Variants in STS observed in about 807,000 individuals in gnomAD.
STS encodes steryl-sulfatase.
In STS, 7 loss-of-function variants were observed where a neutral mutation model predicts 26.8. The observed-to-expected ratio is 0.26, with a 90% CI of 0.15 to 0.49. STS has a LOEUF of 0.49. Among genes scored for constraint, STS ranks in the 20% least tolerant of loss-of-function variants. STS has a pLI of 0.98. For missense variants in STS, 434 were observed against 465.6 expected (o/e 0.93, Z 0.63); for synonymous variants, 199 against 189.4 (o/e 1.05, Z -0.42).
intron 8 of STS, among the ~76,000 whole-genome samples, chrX:7,307,309 A>C (rs1569220020): frequency 9.0e-6 from 1 of 111,475 alleles, no homozygotes; most frequent in African/African-American, 3.3e-5. Flanking sequence ...AAGTAGTAAA[A>C]AGTGGAAACA....
At chrX:7,296,006 C>T (rs769000276) in intron 7 of STS, among the ~76,000 whole-genome samples, 33 of 111,172 alleles carry the variant, frequency 3.0e-4, no homozygotes, top group Non-Finnish European at 4.2e-4. Context: ...ACGTGAGTCT[C>T]GATGGTGTGG....
chrX:7,214,493 G>A (rs1289836581), intron 2 of STS, among the ~76,000 whole-genome samples: 1 of 111,932 alleles, frequency 8.9e-6, no homozygotes, highest in Non-Finnish European at 1.9e-5. Flanking sequence ...CTCTTCCCTT[G>A]TGGAATGAAA....
intron 9 of STS, among the ~76,000 whole-genome samples, chrX:7,333,144 AG>A (rs1388298355): frequency 8.9e-6 from 1 of 112,410 alleles, no homozygotes; most frequent in Non-Finnish European, 1.9e-5. Context: ...TTTTAATCAG[AG>A]AAAGAAAATC....
intron 1 of STS, among the ~76,000 whole-genome samples, chrX:7,184,896 A>T (rs1260076955): frequency 8.9e-6 from 1 of 112,205 alleles, no homozygotes; most frequent in Non-Finnish European, 1.9e-5. Context: ...TACCCTGGGC[A>T]CTTCTGATTT....
intron 2 of STS, among the ~76,000 whole-genome samples, chrX:7,199,858 A>G (rs1430240039): frequency 1.3e-5 from 1 of 79,639 alleles, no homozygotes; most frequent in African/African-American, 4.8e-5. Flanking sequence ...ATTTAAGGAC[A>G]TTTTTCTTTG....
chrX:7,156,049 G>T (rs1412141075), intron 1 of STS, among the ~76,000 whole-genome samples: 5 of 109,560 alleles, frequency 4.6e-5, no homozygotes, highest in African/African-American at 1.7e-4. Context: ...TACTTGGGGG[G>T]ACTGAGATGG....
At chrX:7,275,849 G>A (rs1297684563) in intron 6 of STS, 102 bp from the exon 7 acceptor site, 3 of 995,738 alleles carry the variant, frequency 3.0e-6, no homozygotes, top group African/African-American at 3.9e-5. Context: ...TTTTCAAATA[G>A]CCTGCTATGA....
At chrX:7,170,722 T>C (rs924603720) in intron 1 of STS, among the ~76,000 whole-genome samples, 3 of 111,120 alleles carry the variant, frequency 2.7e-5, no homozygotes, top group Non-Finnish European at 5.7e-5. Context: ...TGGGCTCAAA[T>C]GTTCCTCCTG....
intron 2 of STS, among the ~76,000 whole-genome samples, chrX:7,220,624 C>T (rs1475805687): frequency 9.9e-6 from 1 of 101,170 alleles, no homozygotes. Flanking sequence ...TCTCGGCTCA[C>T]TGCAAGCTCC....
At chrX:7,202,886 C>A (rs1466306685) in intron 2 of STS, among the ~76,000 whole-genome samples, 3 of 110,382 alleles carry the variant, frequency 2.7e-5, no homozygotes, top group Admixed American at 1.9e-4. Context: ...CTGTCTCTCT[C>A]CCTCTCTATC....
chrX:7,240,493 A>ATGTG lies in STS; in HGVS notation c.-4-12665_-4-12662dup, dbSNP rs374194610. Among the ~76,000 whole-genome samples the ATGTG allele has an allele frequency of 1.1e-3, 77 of 72,659 alleles. 2 individuals are homozygous for ATGTG. Among genetic ancestry groups the ATGTG allele is most frequent in the African/African-American group, 3.9e-3 (70 of 18,085 alleles). The allele number at this position is 72,659 out of a possible 115,157, so 63.1% of individuals were successfully genotyped here. ...CACACACACACACACACAGATATGT[A>ATGTG]TGTGTGTGTGTGTGTGTGTGTGTGT... On this transcript the variant is annotated intron_variant, in intron 2 of 10. Transcript: ENST00000674429.
chrX:7,338,285 A>G (rs1327659253), intron 10 of STS, among the ~76,000 whole-genome samples: 2 of 112,118 alleles, frequency 1.8e-5, no homozygotes. Flanking sequence ...ACTTGGCTCC[A>G]GGATTTTTAA....
intron 1 of STS, among the ~76,000 whole-genome samples, chrX:7,157,514 G>A (rs757229929): frequency 5.4e-5 from 6 of 111,943 alleles, no homozygotes; most frequent in Non-Finnish European, 7.5e-5. Context: ...AAGCATCTAC[G>A]TGGATTCATA....
intron 1 of STS, among the ~76,000 whole-genome samples, chrX:7,167,815 G>C (rs917937407): frequency 9.0e-6 from 1 of 111,053 alleles, no homozygotes; most frequent in African/African-American, 3.3e-5. Flanking sequence ...AGCCTCCCAA[G>C]TAGCTGGGAC....
intron 2 of STS, among the ~76,000 whole-genome samples, chrX:7,218,055 T>G (rs1270175203): frequency 9.0e-6 from 1 of 111,501 alleles, no homozygotes; most frequent in Non-Finnish European, 1.9e-5. Context: ...TTTTGTGTCT[T>G]ATTCCTCTCT....
intron 10 of STS, among the ~76,000 whole-genome samples, chrX:7,338,802 C>A (rs939234935): frequency 1.2e-4 from 14 of 112,072 alleles, no homozygotes; most frequent in African/African-American, 4.2e-4. Context: ...ATGGATATCC[C>A]AATTTCCCTG....
chrX:7,148,438 G>A (rs1328022977), intron 1 of STS, among the ~76,000 whole-genome samples: 5 of 113,045 alleles, frequency 4.4e-5, no homozygotes, highest in African/African-American at 1.6e-4. Context: ...GCGCAGAGCC[G>A]AGGCCCTCGT....
chrX:7,348,182 T>TA (rs1361887997), intron 10 of STS, among the ~76,000 whole-genome samples: 74 of 111,412 alleles, frequency 6.6e-4, no homozygotes, highest in African/African-American at 2.2e-3. Context: ...TTCTCAGCTT[T>TA]AAAAAAAACC....
intron 2 of STS, among the ~76,000 whole-genome samples, chrX:7,204,862 C>T (rs1318369392): frequency 2.6e-4 from 28 of 107,835 alleles, no homozygotes; most frequent in Non-Finnish European, 5.8e-5. Flanking sequence ...TCTTTGCTTG[C>T]CTCCCTTTTT....
Sources: gnomAD v4.1 joint callset for allele counts (sites outside exome capture counted in the v4.1 genomes callset) on GRCh38, gnomAD v4.1.1 for gene constraint, MANE v1.5 for transcripts, NCBI Gene and HGNC (gene_info 2026-07-23, HGNC 2026-07-21) for gene names.